PTPRD: variants seen among roughly 807,000 people sequenced by gnomAD.
The protein encoded by PTPRD is receptor-type tyrosine-protein phosphatase delta.
PTPRD carries 34 observed loss-of-function variants against 214.5 expected under a neutral mutation model. The ratio of observed to expected loss-of-function variants is 0.16; its 90% CI spans 0.12 to 0.21. The LOEUF is 0.21. Ranked by LOEUF, PTPRD falls within the 10% of genes least tolerant of loss-of-function variation. The pLI is 1.00. For missense variants in PTPRD, 2,545 were observed against 2,398.7 expected (o/e 1.06, Z -1.27); for synonymous variants, 1,128 against 845.7 (o/e 1.33, Z -5.79).
chr9:8,962,773 G>A (rs902647630), intron 11 of PTPRD: 2 of 152,084 alleles, frequency 1.3e-5, no homozygotes, highest in Admixed American at 1.3e-4. Context: ...AAAAGAAACT[G>A]GTTAATCTAC....
intron 11 of PTPRD, among the ~76,000 whole-genome samples, chr9:8,989,440 G>A (rs1378404693): frequency 1.3e-5 from 2 of 151,988 alleles, no homozygotes; most frequent in African/African-American, 4.8e-5. Context: ...TCCCACATAT[G>A]AGTGAGAATA....
intron 4 of PTPRD, among the ~76,000 whole-genome samples, chr9:9,996,813 T>C (rs946232680): frequency 6.6e-6 from 1 of 151,992 alleles, no homozygotes; most frequent in Non-Finnish European, 1.5e-5. Flanking sequence ...CTAAAGAAAA[T>C]AATATTAAGA....
chr9:9,344,316 A>T (rs1283203260), intron 9 of PTPRD, among the ~76,000 whole-genome samples: 1 of 151,644 alleles, frequency 6.6e-6, no homozygotes, highest in Admixed American at 6.6e-5. Flanking sequence ...TCACACACTG[A>T]GGCCTGTCGG....
chr9:8,598,568 A>C (rs11787728), intron 14 of PTPRD, among the ~76,000 whole-genome samples: 1 of 152,150 alleles, frequency 6.6e-6, no homozygotes, highest in East Asian at 1.9e-4. Context: ...TGAAAGCATA[A>C]TATTTTTGAC....
intron 43 of PTPRD, among the ~76,000 whole-genome samples, chr9:8,332,339 T>C (rs950346279): frequency 2.0e-5 from 3 of 152,132 alleles, no homozygotes; most frequent in African/African-American, 7.2e-5. Flanking sequence ...GCCCCCCATG[T>C]CTCAGAGGAA....
intron 8 of PTPRD, among the ~76,000 whole-genome samples, chr9:9,489,568 A>C (rs1193655701): frequency 6.6e-6 from 1 of 152,118 alleles, no homozygotes; most frequent in Non-Finnish European, 1.5e-5. Context: ...GAGCTAGAAA[A>C]CCTAAAACGA....
chr9:9,302,601 C>CTTT (rs3047853), intron 9 of PTPRD, among the ~76,000 whole-genome samples: 1,246 of 111,834 alleles, frequency 0.011, 29 homozygotes, highest in African/African-American at 0.026. Context: ...TTTTTTTTTT[C>CTTT]TTTTTTTTTT....
rs187084654 is a variant in PTPRD, at chr9:9,172,900, A to C, written c.-143+10404T>G. ...TAACTCAAGCCTAAATGATTCTCTT[A>C]AAATACAGATTCGATCGTGTCCAAA... On this transcript the variant is annotated intron_variant, in intron 10 of 45. Transcript: ENST00000381196. Among the ~76,000 whole-genome samples the C allele has an allele frequency of 2.1e-3, 317 of 152,316 alleles. 3 individuals carry two copies. Among genetic ancestry groups the C allele is most frequent in the African/African-American group, 7.4e-3 (306 of 41,582 alleles).
At chr9:10,411,467 G>A (rs2098435565) in intron 2 of PTPRD, among the ~76,000 whole-genome samples, 1 of 151,760 alleles carries the variant, frequency 6.6e-6, no homozygotes, top group Admixed American at 6.6e-5. Context: ...GGAAATTGTT[G>A]ACTCTGCACT....
intron 2 of PTPRD, among the ~76,000 whole-genome samples, chr9:10,431,097 C>G (rs2098673204): frequency 6.6e-6 from 1 of 152,112 alleles, no homozygotes. Flanking sequence ...AGACATTTCT[C>G]AGCTCCATTA....
intron 3 of PTPRD, among the ~76,000 whole-genome samples, chr9:10,130,153 A>T (rs2154256849): frequency 6.7e-6 from 1 of 148,238 alleles, no homozygotes; most frequent in African/African-American, 2.5e-5. Flanking sequence ...TAACAGTTTT[A>T]CATAATCTGA....
intron 2 of PTPRD, among the ~76,000 whole-genome samples, chr9:10,369,031 C>G (rs2097564491): frequency 6.6e-6 from 1 of 151,648 alleles, no homozygotes; most frequent in Admixed American, 6.6e-5. Flanking sequence ...TAAAATTAAG[C>G]AAAACAAAAA....
At chr9:9,249,135 A>T (rs780988653) in intron 9 of PTPRD, among the ~76,000 whole-genome samples, 1 of 151,908 alleles carries the variant, frequency 6.6e-6, no homozygotes, top group African/African-American at 2.4e-5. Context: ...GTTAAGAGTG[A>T]GTTCTAGCTT....
At chr9:9,687,763 A>G (rs557266951) in intron 7 of PTPRD, among the ~76,000 whole-genome samples, 1 of 151,990 alleles carries the variant, frequency 6.6e-6, no homozygotes, top group East Asian at 1.9e-4. Flanking sequence ...CAAAATGTTG[A>G]TAACAATAAG....
At position 8,317,854 on chromosome 9, in the gene PTPRD, C is replaced by T. The variant is rs369863041; in HGVS notation, c.*20G>A. On this transcript the variant is annotated 3_prime_UTR_variant, in exon 46 of 46. Coordinates refer to ENST00000381196, the MANE Select transcript of PTPRD (RefSeq NM_002839.4). ...ATATTGAAGGGCCTGTAGTAAAAAT[C>T]CAGAATGGGTCAGGGGTTTCTACGT... 2 of 1,610,852 alleles carry T rather than the reference C, an allele frequency of 1.2e-6. No homozygotes were observed. The highest frequency in any genetic ancestry group is 1.7e-6 in the Non-Finnish European group (2 of 1,177,680).
chr9:8,729,798 T>C (rs1487081632), intron 12 of PTPRD, among the ~76,000 whole-genome samples: 1 of 152,214 alleles, frequency 6.6e-6, no homozygotes, highest in African/African-American at 2.4e-5. Flanking sequence ...ACCACTACTC[T>C]ATGCTGCCCA....
At chr9:8,985,964 C>A (rs986121399) in intron 11 of PTPRD, among the ~76,000 whole-genome samples, 1 of 152,008 alleles carries the variant, frequency 6.6e-6, no homozygotes, top group African/African-American at 2.4e-5. Context: ...TCCATTATTT[C>A]TTTCAATCTA....
At chr9:9,970,355 C>A (rs2095009110) in intron 4 of PTPRD, among the ~76,000 whole-genome samples, 1 of 145,516 alleles carries the variant, frequency 6.9e-6, no homozygotes, top group Admixed American at 7.1e-5. Flanking sequence ...GAGGCTGAGG[C>A]AGGAGAATGG....
At chr9:9,848,476 G>A (rs974439406) in intron 5 of PTPRD, among the ~76,000 whole-genome samples, 1 of 151,840 alleles carries the variant, frequency 6.6e-6, no homozygotes, top group African/African-American at 2.4e-5. Flanking sequence ...CATTTACATG[G>A]CTTATTTCGT....
Sources: allele counts gnomAD v4.1 joint callset (sites outside exome capture counted in the v4.1 genomes callset), GRCh38; gene constraint gnomAD v4.1.1; transcripts MANE v1.5; gene names NCBI Gene and HGNC (gene_info 2026-07-23, HGNC 2026-07-21).